Variants in LY86 observed in about 807,000 individuals in gnomAD.
The protein encoded by LY86 is MD-1, RP105-associated.
In LY86, 20 loss-of-function variants were observed where a neutral mutation model predicts 17.3. The observed-to-expected ratio is 1.15, with a 90% CI of 0.81 to 1.68. The LOEUF is 1.68. LY86 is among the 40% of genes most tolerant of loss of function. The pLI is 0.00. For synonymous variants in LY86, 74 were observed against 70.6 expected (o/e 1.05, Z -0.24); for missense variants, 200 against 191.9 (o/e 1.04, Z -0.25).
intron 3 of LY86, among the ~76,000 whole-genome samples, chr6:6,629,000 A>T (rs1307568958): frequency 6.6e-6 from 1 of 152,242 alleles, no homozygotes; most frequent in African/African-American, 2.4e-5. Context: ...TGGTTTTAAT[A>T]GGATTGATAA....
At chr6:6,617,226 G>GA (rs1455445940) in intron 1 of LY86, among the ~76,000 whole-genome samples, 4 of 152,202 alleles carry the variant, frequency 2.6e-5, no homozygotes, top group African/African-American at 9.6e-5. Flanking sequence ...GGCTCTGGGT[G>GA]AACTGGCCTG....
At chr6:6,609,470 C>G (rs72821164) in intron 1 of LY86, among the ~76,000 whole-genome samples, 10,023 of 152,256 alleles carry the variant, frequency 0.066, 445 homozygotes, top group Middle Eastern at 0.17. Context: ...CCTGGAGATA[C>G]TGGATCTCTT....
chr6:6,597,500 A>G (rs1760751264), intron 1 of LY86, among the ~76,000 whole-genome samples: 3 of 152,208 alleles, frequency 2.0e-5, no homozygotes, highest in Admixed American at 1.3e-4. Context: ...GTTGGTGTTC[A>G]TTCCTTTCCA....
At chr6:6,594,373 T>C (rs1033294350) in intron 1 of LY86, among the ~76,000 whole-genome samples, 15 of 152,244 alleles carry the variant, frequency 9.9e-5, no homozygotes, top group African/African-American at 3.4e-4. Context: ...GGAAATTATC[T>C]GAAATTCAAA....
At chr6:6,605,999 A>G (rs142687545) in intron 1 of LY86, among the ~76,000 whole-genome samples, 2 of 151,764 alleles carry the variant, frequency 1.3e-5, no homozygotes, top group South Asian at 2.1e-4. Flanking sequence ...ATTTACTGCG[A>G]AAAGCAAAAG....
At chr6:6,642,675 G>A (rs572322345) in intron 3 of LY86, among the ~76,000 whole-genome samples, 1 of 152,322 alleles carries the variant, frequency 6.6e-6, no homozygotes, top group African/African-American at 2.4e-5. Context: ...TAAGGGAACA[G>A]TAAGGACTAC....
intron 1 of LY86, among the ~76,000 whole-genome samples, chr6:6,613,281 C>G (rs758413751): frequency 6.6e-6 from 1 of 152,218 alleles, no homozygotes; most frequent in African/African-American, 2.4e-5. Flanking sequence ...CGCCCGCACT[C>G]CTCAGCCCTT....
intron 1 of LY86, among the ~76,000 whole-genome samples, chr6:6,605,865 G>A (rs1195627143): frequency 6.6e-6 from 1 of 151,170 alleles, no homozygotes; most frequent in South Asian, 2.1e-4. Context: ...GGGGCATCTG[G>A]AGCTCTTCGT....
At chr6:6,609,319 C>T (rs1021095283) in intron 1 of LY86, among the ~76,000 whole-genome samples, 7 of 152,164 alleles carry the variant, frequency 4.6e-5, no homozygotes, top group Admixed American at 6.5e-5. Context: ...AAAGAAATGG[C>T]GAATTGGCTT....
At chr6:6,592,408 A>C (rs1396938862) in intron 1 of LY86, among the ~76,000 whole-genome samples, 1 of 152,154 alleles carries the variant, frequency 6.6e-6, no homozygotes, top group African/African-American at 2.4e-5. Context: ...CAAACCACAA[A>C]CACCCACCGA....
intron 1 of LY86, among the ~76,000 whole-genome samples, chr6:6,612,524 C>A (rs1032494016): frequency 2.6e-5 from 4 of 152,220 alleles, no homozygotes; most frequent in Non-Finnish European, 4.4e-5. Flanking sequence ...AGCAAAAGAA[C>A]AAACCAACCA....
At chr6:6,620,236 C>T (rs1038962946) in intron 1 of LY86, among the ~76,000 whole-genome samples, 1 of 152,194 alleles carries the variant, frequency 6.6e-6, no homozygotes, top group Non-Finnish European at 1.5e-5. Flanking sequence ...TGGTATTGTC[C>T]TCCATGTAAG....
At chr6:6,598,369 A>G (rs1012741507) in intron 1 of LY86, among the ~76,000 whole-genome samples, 1 of 152,168 alleles carries the variant, frequency 6.6e-6, no homozygotes, top group African/African-American at 2.4e-5. Context: ...TTGTACTGAC[A>G]TTTATTTTTA....
chr6:6,606,966 C>G (rs138587774), intron 1 of LY86, among the ~76,000 whole-genome samples: 1 of 152,276 alleles, frequency 6.6e-6, no homozygotes, highest in South Asian at 2.1e-4. Context: ...GCTGTGAGGG[C>G]TGCCAGCATG....
intron 1 of LY86, among the ~76,000 whole-genome samples, chr6:6,590,676 T>C (rs1453741004): frequency 6.6e-6 from 1 of 152,206 alleles, no homozygotes; most frequent in East Asian, 1.9e-4. Context: ...CATTGTGATA[T>C]CTGCCACTTT....
At chr6:6,643,210 C>T (rs1762064182) in intron 3 of LY86, among the ~76,000 whole-genome samples, 1 of 152,198 alleles carries the variant, frequency 6.6e-6, no homozygotes, top group Non-Finnish European at 1.5e-5. Context: ...TACTAATTTA[C>T]ATTCCCACCG....
chr6:6,607,745 C>A (rs1761226604), intron 1 of LY86, among the ~76,000 whole-genome samples: 1 of 151,908 alleles, frequency 6.6e-6, no homozygotes, highest in African/African-American at 2.4e-5. Context: ...ACAAAAAATA[C>A]AAAAATTAGC....
At chr6:6,611,604 A>G (rs922413891) in intron 1 of LY86, among the ~76,000 whole-genome samples, 2 of 152,216 alleles carry the variant, frequency 1.3e-5, no homozygotes, top group African/African-American at 2.4e-5. Context: ...AAGCGCTGCT[A>G]CCTGTCCACC....
At chr6:6,596,508 G>A (rs926659387) in intron 1 of LY86, among the ~76,000 whole-genome samples, 4 of 152,130 alleles carry the variant, frequency 2.6e-5, no homozygotes, top group Admixed American at 1.3e-4. Flanking sequence ...AGATTAACAA[G>A]GATATAAAAG....
Sources: allele counts gnomAD v4.1 joint callset (sites outside exome capture counted in the v4.1 genomes callset), GRCh38; gene constraint gnomAD v4.1.1; transcripts MANE v1.5; gene names NCBI Gene and HGNC (gene_info 2026-07-23, HGNC 2026-07-21).